SDHC: variants seen among roughly 807,000 people sequenced by gnomAD.
The protein encoded by SDHC is succinate dehydrogenase cytochrome b560 subunit, mitochondrial.
Under a neutral mutation model 22.6 loss-of-function variants are expected in SDHC, and 11 were observed. The ratio of observed to expected loss-of-function variants is 0.49; its 90% CI spans 0.31 to 0.81. The LOEUF is 0.81. Ranked by LOEUF, SDHC falls within the 30% of genes least tolerant of loss-of-function variation. The probability of loss-of-function intolerance (pLI) is 0.05; values close to 1 mark genes in which losing one functional copy is unlikely to be tolerated. For missense variants in SDHC, 160 were observed against 212.0 expected, an observed-to-expected ratio of 0.75 and a Z score of 1.52; for synonymous variants, 80 against 77.8, an observed-to-expected ratio of 1.03 and a Z score of -0.15.
intron 4 of SDHC, among the ~76,000 whole-genome samples, chr1:161,351,509 G>A (rs549525131): frequency 6.6e-6 from 1 of 152,208 alleles, no homozygotes; most frequent in Admixed American, 6.5e-5. Context: ...TTAATAATCA[G>A]AATAGTTAAT....
At position 161,328,976 on chromosome 1, in the gene SDHC, C is replaced by T. The variant is rs564326857; in HGVS notation, c.179+479C>T. 2.8e-4 allele frequency among the ~76,000 whole-genome samples: 42 copies of T among 151,804 alleles called. 2 individuals are homozygous for T. In the South Asian group the frequency reaches 8.8e-3, roughly 32 times the overall value. Reference sequence around the variant, plus strand: ...AGGCTGGAGTGTAGTGGCGCGATCTCAGCTCACTGCATCCTCTGCCTCCCG... The same window carrying T: ...AGGCTGGAGTGTAGTGGCGCGATCTTAGCTCACTGCATCCTCTGCCTCCCG... On this transcript the variant is annotated intron_variant, in intron 3 of 5. Transcript: ENST00000367975.
At chr1:161,315,097 A>G (rs1241201359) in intron 1 of SDHC, among the ~76,000 whole-genome samples, 2 of 152,164 alleles carry the variant, frequency 1.3e-5, no homozygotes, top group Admixed American at 6.5e-5. Context: ...ATTTTCTTTC[A>G]TTCTGAACTT....
At chr1:161,340,497 C>A in intron 3 of SDHC, 97 bp from the exon 4 acceptor site, 1 of 1,044,444 alleles carries the variant, frequency 9.6e-7, no homozygotes, top group Non-Finnish European at 1.5e-6. Context: ...AAAAAAAGTG[C>A]CTATTTCAGA....
rs745526818 is a variant in SDHC at position 161,362,483 on chromosome 1, A to G, written c.*50A>G. ...TTCCTACACATTATTACATTCACCC[A>G]TCTTTCTGTTTGTCATTCTTATCTC... On this transcript the variant is annotated 3_prime_UTR_variant, in exon 6 of 6. Transcript: ENST00000367975. 6.2e-7 allele frequency: 1 copy of G among 1,611,774 alleles called. No homozygotes were observed. Among genetic ancestry groups the G allele is most frequent in the Non-Finnish European group, 8.5e-7 (1 of 1,179,386 alleles).
chr1:161,357,456 T>C (rs1672326629), intron 5 of SDHC, among the ~76,000 whole-genome samples: 1 of 152,106 alleles, frequency 6.6e-6, no homozygotes, highest in Non-Finnish European at 1.5e-5. Context: ...TGGGGTGCAG[T>C]TGGCGCGATC....
At chr1:161,339,791 C>G (rs1164451225) in intron 3 of SDHC, among the ~76,000 whole-genome samples, 1 of 148,650 alleles carries the variant, frequency 6.7e-6, no homozygotes, top group Non-Finnish European at 1.5e-5. Context: ...AGCAATTTTC[C>G]TGCCTCAGCC....
At chr1:161,344,431 T>C (rs1338674087) in intron 4 of SDHC, among the ~76,000 whole-genome samples, 1 of 151,778 alleles carries the variant, frequency 6.6e-6, no homozygotes, top group African/African-American at 2.4e-5. Context: ...CACTCCAGCC[T>C]GATGACAGCA....
chr1:161,324,425 T>C (rs1188090292), intron 2 of SDHC, among the ~76,000 whole-genome samples: 1 of 152,278 alleles, frequency 6.6e-6, no homozygotes, highest in African/African-American at 2.4e-5. Flanking sequence ...ATTCTCAGCC[T>C]GTTGATGTCA....
chr1:161,360,727 T>C (rs1445147155), intron 5 of SDHC, among the ~76,000 whole-genome samples: 3 of 151,632 alleles, frequency 2.0e-5, no homozygotes, highest in Non-Finnish European at 2.9e-5. Flanking sequence ...TATTTTTTAG[T>C]ATTAAAAAGA....
chr1:161,352,972 G>A (rs928186061), intron 4 of SDHC, among the ~76,000 whole-genome samples: 4 of 151,976 alleles, frequency 2.6e-5, no homozygotes, highest in African/African-American at 7.2e-5. Context: ...GCGAGACTCC[G>A]TCTCAAAGAA....
At chr1:161,315,751 T>G (rs962892093) in intron 1 of SDHC, among the ~76,000 whole-genome samples, 2 of 152,176 alleles carry the variant, frequency 1.3e-5, no homozygotes, top group East Asian at 3.9e-4. Context: ...TGTTTCTCGT[T>G]AGGTGGAACG....
At chr1:161,324,483 T>C (rs1670976930) in intron 2 of SDHC, among the ~76,000 whole-genome samples, 1 of 152,232 alleles carries the variant, frequency 6.6e-6, no homozygotes, top group Non-Finnish European at 1.5e-5. Flanking sequence ...TTTGGAAATA[T>C]TTTATACTTT....
At chr1:161,324,465 C>CT (rs1169673816) in intron 2 of SDHC, among the ~76,000 whole-genome samples, 6 of 152,140 alleles carry the variant, frequency 3.9e-5, no homozygotes, top group Non-Finnish European at 8.8e-5. Flanking sequence ...TTTTTAAAAA[C>CT]TTTTTATTTT....
At chr1:161,348,047 ATT>A (rs1342855134) in intron 4 of SDHC, among the ~76,000 whole-genome samples, 1 of 152,140 alleles carries the variant, frequency 6.6e-6, no homozygotes, top group Non-Finnish European at 1.5e-5. Flanking sequence ...AAAATAAGTT[ATT>A]TATTTTAACT....
chr1:161,317,531 G>C (rs772370966), intron 1 of SDHC, among the ~76,000 whole-genome samples: 38 of 110,680 alleles, frequency 3.4e-4, no homozygotes, highest in Non-Finnish European at 5.2e-4. Context: ...CCTTGGTTTT[G>C]TGTGTGTGTG....
Position 161,355,551 on chromosome 1 carries a change from A to G in SDHC, c.242-1126A>G, listed in dbSNP as rs577458948. Among the ~76,000 whole-genome samples the G allele has an allele frequency of 5.9e-5, 9 of 152,314 alleles. No individual in the cohort carries two copies. In the South Asian group the frequency reaches 1.0e-3, roughly 18 times the overall value. ...TCCAAGATCATGAAGATTTATTTCT[A>G]TGCTTTCTACTAAGAGTTTTATAGT... On this transcript the variant is annotated intron_variant, in intron 4 of 5. Coordinates refer to ENST00000367975, the MANE Select transcript of SDHC (RefSeq NM_003001.5).
At chr1:161,322,640 C>G (rs188099263) in intron 1 of SDHC, among the ~76,000 whole-genome samples, 1 of 151,324 alleles carries the variant, frequency 6.6e-6, no homozygotes, top group Non-Finnish European at 1.5e-5. Flanking sequence ...GATCTTGGCT[C>G]GTTGCAACTT....
intron 1 of SDHC, among the ~76,000 whole-genome samples, chr1:161,320,093 G>A (rs1256838064): frequency 6.6e-6 from 1 of 152,152 alleles, no homozygotes; most frequent in African/African-American, 2.4e-5. Flanking sequence ...TAAGAGATTG[G>A]TGCGAGGGAG....
rs769177037 is a variant in SDHC, at chr1:161,328,467, G to T, written c.149G>T (p.Arg50Leu). The T allele has an allele frequency of 6.2e-7, 1 of 1,612,596 alleles. No individual in the cohort carries two copies. The highest frequency in any genetic ancestry group is 1.3e-5 in the African/African-American group (1 of 75,006). The change falls in exon 3 of 6, where the codon CGT becomes CTT. Residue 50 changes from arginine (R) to leucine (L), a missense_variant. Arg to Leu is a moderately radical substitution (Grantham distance 102). Around this residue, in one of 2 missense-constraint regions of SDHC, gnomAD observed 86 missense variants for 83.4 expected, o/e 1.03. Transcript: ENST00000367975. ...RFWNKNIGSN[R>L]PLSPHITIYS... ...TGGAATAAGAATATAGGTTCAAACC[G>T]TCCTCTGTCTCCCCACATTACTATC...
Sources: gnomAD v4.1 joint callset for allele counts (sites outside exome capture counted in the v4.1 genomes callset) on GRCh38, gnomAD v4.1.1 for gene constraint, gnomAD v4.1.1 regional missense constraint, MANE v1.5 for transcripts, NCBI Gene and HGNC (gene_info 2026-07-23, HGNC 2026-07-21) for gene names.